The following TMEM132E variants were observed in gnomAD, a reference collection of about 807,000 sequenced individuals.
TMEM132E encodes transmembrane protein 132E.
TMEM132E carries 49 observed loss-of-function variants against 78.5 expected under a neutral mutation model. The observed-to-expected ratio is 0.62, with a 90% CI of 0.50 to 0.79. The LOEUF (loss-of-function observed/expected upper bound fraction) is 0.79. Among genes scored for constraint, TMEM132E ranks in the 30% least tolerant of loss-of-function variants. The probability of loss-of-function intolerance (pLI) is 0.00; values close to 1 mark genes in which losing one functional copy is unlikely to be tolerated. For missense variants in TMEM132E, 1,403 were observed against 1,470.9 expected, an observed-to-expected ratio of 0.95 and a Z score of 0.75; for synonymous variants, 715 against 670.6, an observed-to-expected ratio of 1.07 and a Z score of -1.02.
chr17:34,584,865 G>A (rs932341196), intron 1 of TMEM132E, among the ~76,000 whole-genome samples: 2 of 152,188 alleles, frequency 1.3e-5, no homozygotes, highest in Non-Finnish European at 2.9e-5. Context: ...AGTGTCCAGG[G>A]TCATTCTGAA....
At chr17:34,632,937 T>C (rs1160559122) in intron 6 of TMEM132E, 28 bp downstream of exon 6, 1 of 1,611,766 alleles carries the variant, frequency 6.2e-7, no homozygotes, top group African/African-American at 1.3e-5. Context: ...TGGCGGATAC[T>C]TGGGAAACTC....
chr17:34,623,370 G>A (rs1431754601), intron 1 of TMEM132E, among the ~76,000 whole-genome samples: 1 of 150,664 alleles, frequency 6.6e-6, no homozygotes, highest in African/African-American at 2.4e-5. Context: ...GTCTCCAGGG[G>A]ATGGATAACT....
chr17:34,615,160 C>T (rs1906735893), intron 1 of TMEM132E, among the ~76,000 whole-genome samples: 2 of 31,126 alleles, frequency 6.4e-5, no homozygotes, highest in African/African-American at 1.2e-4. Flanking sequence ...AGGAGCAGGA[C>T]TAGGAGGCCA....
intron 1 of TMEM132E, among the ~76,000 whole-genome samples, chr17:34,596,144 T>C (rs547974987): frequency 6.6e-6 from 1 of 152,050 alleles, no homozygotes; most frequent in Non-Finnish European, 1.5e-5. Context: ...AGAAGAGAGA[T>C]TTCCCCTGTC....
chr17:34,588,417 T>C (rs970778303), intron 1 of TMEM132E, among the ~76,000 whole-genome samples: 7 of 152,028 alleles, frequency 4.6e-5, no homozygotes, highest in African/African-American at 1.4e-4. Flanking sequence ...GTCTGGGAGG[T>C]GATGTCTGGA....
In TMEM132E at chr17:34,636,053, C is replaced by T. The variant is rs765508181; in HGVS notation, c.2024C>T (p.Thr675Met). 27 of 1,571,764 alleles carry T rather than the reference C, an allele frequency of 1.7e-5. No individual in the cohort carries two copies. The highest frequency in any genetic ancestry group is 4.0e-4 in the Middle Eastern group (2 of 4,984). The change falls in exon 8 of 9, where the codon ACG (threonine) becomes ATG (methionine). Residue 675 changes from threonine (T) to methionine (M), a missense_variant. Coordinates refer to ENST00000631683, the MANE Select transcript of TMEM132E (RefSeq NM_001304438.2). ...TEAVLGETLL[T>M]VTEEKVSITQ... is the part of the protein sequence containing the mutation. ...GCTGTGCTCGGGGAGACGCTGCTGACGGTGACTGAGGAGAAGGTCAGCATC... is the reference window on the plus strand; with the variant it reads ...GCTGTGCTCGGGGAGACGCTGCTGATGGTGACTGAGGAGAAGGTCAGCATC...
chr17:34,580,347 C>G lies in TMEM132E; in HGVS notation c.-730C>G, dbSNP rs1378065855. On this transcript the variant is annotated 5_prime_UTR_variant, in exon 1 of 9. Transcript: ENST00000631683. ...AGCCGGCCTGTGTGGAGCCTGGGCC[C>G]TGATCCAGACTGGAGAAAGCGCGCT... 1 of 152,348 alleles carries G rather than the reference C, an allele frequency of 6.6e-6. No individual in the cohort carries two copies. Among genetic ancestry groups the G allele is most frequent in the African/African-American group, 2.4e-5 (1 of 41,474 alleles). The allele number at this position is 152,348 out of a possible 1,614,324, so 9.4% of individuals were successfully genotyped here.
intron 1 of TMEM132E, among the ~76,000 whole-genome samples, chr17:34,612,097 C>T (rs1906609908): frequency 6.6e-6 from 1 of 152,148 alleles, no homozygotes; most frequent in African/African-American, 2.4e-5. Flanking sequence ...CCTAGACCCC[C>T]AGAGTTTGCC....
In TMEM132E at chr17:34,637,944, C is replaced by T. The variant is rs779200092; in HGVS notation, c.2937C>T (p.Val979=). The T allele has an allele frequency of 6.2e-7, 1 of 1,606,636 alleles. No individual in the cohort carries two copies. Among genetic ancestry groups the T allele is most frequent in the Non-Finnish European group, 8.5e-7 (1 of 1,177,994 alleles). The change falls in exon 9 of 9, where the codon GTC becomes GTT. Residue 979 remains valine, a synonymous_variant. Coordinates refer to ENST00000631683, the MANE Select transcript of TMEM132E (RefSeq NM_001304438.2). ...GCAGCGGCAGCTCGCAGACCAGCGT[C>T]CAGAGCCAGGTGCACGGCAGGGGCG... ...HHSSGSSQTS[V]QSQVHGRGDG... is the part of the protein sequence containing the mutation.
intron 1 of TMEM132E, among the ~76,000 whole-genome samples, chr17:34,585,584 T>C (rs1194609026): frequency 6.6e-6 from 1 of 152,134 alleles, no homozygotes; most frequent in Non-Finnish European, 1.5e-5. Context: ...ACTCTGCAAG[T>C]TTGTTCTGGA....
At chr17:34,620,428 C>T (rs944238267) in intron 1 of TMEM132E, among the ~76,000 whole-genome samples, 1 of 152,266 alleles carries the variant, frequency 6.6e-6, no homozygotes, top group African/African-American at 2.4e-5. Flanking sequence ...CCCAAGTCAT[C>T]ACCTCTCCTT....
intron 1 of TMEM132E, among the ~76,000 whole-genome samples, chr17:34,608,742 C>T (rs1906496192): frequency 6.6e-6 from 1 of 152,182 alleles, no homozygotes; most frequent in Admixed American, 6.5e-5. Flanking sequence ...CACATAAGAC[C>T]TCTTTTTCGC....
intron 1 of TMEM132E, among the ~76,000 whole-genome samples, chr17:34,618,612 T>G (rs1379994281): frequency 2.0e-5 from 3 of 152,156 alleles, no homozygotes; most frequent in Admixed American, 2.0e-4. Context: ...CATGAACAGT[T>G]TTAAGACCTT....
intron 1 of TMEM132E, among the ~76,000 whole-genome samples, chr17:34,604,361 A>T (rs1906341574): frequency 6.6e-6 from 1 of 152,136 alleles, no homozygotes; most frequent in Non-Finnish European, 1.5e-5. Flanking sequence ...CCAGCACACC[A>T]TCCGCCAAGA....
intron 1 of TMEM132E, among the ~76,000 whole-genome samples, chr17:34,581,356 G>C (rs1364970691): frequency 6.7e-6 from 1 of 150,296 alleles, no homozygotes; most frequent in Non-Finnish European, 1.5e-5. Context: ...GAAAAGGGTG[G>C]GGGGAGGGTG....
intron 1 of TMEM132E, among the ~76,000 whole-genome samples, chr17:34,616,059 G>A (rs948596570): frequency 6.6e-6 from 1 of 152,302 alleles, no homozygotes; most frequent in Non-Finnish European, 1.5e-5. Flanking sequence ...AAATGACAGA[G>A]CCAGCCTGAC....
chr17:34,628,959 G>A (rs1266624342), intron 3 of TMEM132E, 53 bp from the exon 4 acceptor site: 2 of 1,511,480 alleles, frequency 1.3e-6, no homozygotes, highest in South Asian at 1.3e-5. Context: ...TGAGCTCCTG[G>A]GCTGCTCCCA....
intron 1 of TMEM132E, among the ~76,000 whole-genome samples, chr17:34,582,460 G>A (rs533894227): frequency 8.5e-5 from 13 of 152,258 alleles, no homozygotes; most frequent in Admixed American, 8.5e-4. Flanking sequence ...GGGGCGGGGA[G>A]CAGGCAGACC....
intron 1 of TMEM132E, among the ~76,000 whole-genome samples, chr17:34,623,344 A>T (rs1907020876): frequency 6.6e-6 from 1 of 152,000 alleles, no homozygotes; most frequent in African/African-American, 2.4e-5. Flanking sequence ...ACTAAGTGCC[A>T]CTTAGCAGCT....
Sources: gnomAD v4.1 joint callset for allele counts (sites outside exome capture counted in the v4.1 genomes callset) on GRCh38, gnomAD v4.1.1 for gene constraint, MANE v1.5 for transcripts, NCBI Gene and HGNC (gene_info 2026-07-23, HGNC 2026-07-21) for gene names.